The following MINDY4B variants were observed in gnomAD, a reference collection of about 807,000 sequenced individuals.
MINDY4B encodes inactive ubiquitin carboxyl-terminal hydrolase MINDY-4B.
In MINDY4B, 25 loss-of-function variants were observed where a neutral mutation model predicts 16.7. The observed-to-expected ratio is 1.49, with a 90% confidence interval of 1.09 to 2.09. The LOEUF (loss-of-function observed/expected upper bound fraction) is 2.09. Among genes scored for constraint, MINDY4B ranks in the 30% most tolerant of loss-of-function variants. The pLI, the probability that MINDY4B is intolerant of heterozygous loss-of-function variation, is 0.00. For synonymous variants in MINDY4B, 132 were observed against 61.9 expected, an observed-to-expected ratio of 2.13 and a Z score of -5.32; for missense variants, 327 against 168.4, an observed-to-expected ratio of 1.94 and a Z score of -5.21.
At chr3:150,881,851 A>AT (rs1711526452) in intron 10 of MINDY4B, among the ~76,000 whole-genome samples, 2 of 152,170 alleles carry the variant, frequency 1.3e-5, no homozygotes, top group African/African-American at 4.8e-5. Flanking sequence ...GTCAGACACT[A>AT]TTTTTTTGAT....
At chr3:150,898,933 G>C (rs1206584819) in intron 3 of MINDY4B, among the ~76,000 whole-genome samples, 1 of 152,152 alleles carries the variant, frequency 6.6e-6, no homozygotes, top group African/African-American at 2.4e-5. Flanking sequence ...ACTTGAGGTA[G>C]ACTAATCCTC....
At position 150,873,327 on chromosome 3, in the gene MINDY4B, A is replaced by G. The variant is rs1478308834; in HGVS notation, c.1100T>C (p.Leu367Pro). 2 of 702,856 alleles carry G rather than the reference A, an allele frequency of 2.8e-6. No homozygotes were observed. The highest frequency in any genetic ancestry group is 4.0e-5 in the Admixed American group (2 of 50,004). 43.5% of individuals were successfully genotyped at this position (702,856 alleles called of 1,614,324 possible). ...MLKTPKLPIW[L>P]CNINGNYSIL... ...GCTGTAATTTCCATTGATGTTGCAC[A>G]GCCAAATAGGTAATTTGGGAGTCTT... is the stretch of plus-strand genomic sequence containing the variant. Residue 367 changes from leucine to proline, a missense_variant, in exon 11 of 12, where the codon CTG (leucine) becomes CCG (proline). Physicochemically the swap from Leu to Pro is moderately conservative, Grantham distance 98. Coordinates refer to ENST00000465419, the MANE Select transcript of MINDY4B (RefSeq NM_001351281.2).
chr3:150,870,592 G>A lies in MINDY4B; in HGVS notation c.*453C>T, dbSNP rs1325660833. ...AACTGTATCCTTGGAAAGGAATGCC[G>A]TCCATACCAGGAAGTCCTTGAGAAG... On this transcript the variant is annotated 3_prime_UTR_variant, in exon 12 of 12. Transcript: ENST00000465419. Among the ~76,000 whole-genome samples, 1 of 152,168 alleles carries A rather than the reference G, an allele frequency of 6.6e-6. No individual in the cohort carries two copies. Among genetic ancestry groups the A allele is most frequent in the Non-Finnish European group, 1.5e-5 (1 of 68,022 alleles).
intron 7 of MINDY4B, among the ~76,000 whole-genome samples, chr3:150,888,915 T>C (rs1711698041): frequency 1.3e-5 from 2 of 151,992 alleles, no homozygotes; most frequent in African/African-American, 2.4e-5. Flanking sequence ...CAGATTTGAG[T>C]TGAGATGGAA....
intron 7 of MINDY4B, among the ~76,000 whole-genome samples, chr3:150,886,735 C>T (rs1711631437): frequency 6.6e-6 from 1 of 152,164 alleles, no homozygotes; most frequent in Admixed American, 6.5e-5. Context: ...ACCCTCCTCC[C>T]TCTGCTTCCC....
chr3:150,904,386 C>G (rs932446579), intron 2 of MINDY4B, among the ~76,000 whole-genome samples: 1 of 152,134 alleles, frequency 6.6e-6, no homozygotes, highest in Admixed American at 6.5e-5. Context: ...ATAAATAAGA[C>G]TTTTGATCAT....
chr3:150,891,901 G>A lies in MINDY4B; in HGVS notation c.522-798C>T, dbSNP rs115253788. Among the ~76,000 whole-genome samples, 718 of 152,222 alleles carry A rather than the reference G, an allele frequency of 4.7e-3. 4 individuals carry two copies. The highest frequency in any genetic ancestry group is 0.016 in the African/African-American group (679 of 41,528). On this transcript the variant is annotated intron_variant, in intron 5 of 11. Coordinates refer to ENST00000465419, the MANE Select transcript of MINDY4B (RefSeq NM_001351281.2). ...TGACTGGGGGGCTCAGGAAGGCTTC[G>A]TGCAGTGTGTCTACAGACGTAGTTA...
intron 7 of MINDY4B, among the ~76,000 whole-genome samples, chr3:150,887,996 T>C (rs921412337): frequency 4.6e-5 from 7 of 151,166 alleles, no homozygotes; most frequent in Non-Finnish European, 8.8e-5. Context: ...TAGTCCCAGC[T>C]ACTCGGAGGC....
chr3:150,897,232 G>T (rs895862281), intron 3 of MINDY4B, among the ~76,000 whole-genome samples: 1 of 152,044 alleles, frequency 6.6e-6, no homozygotes, highest in Non-Finnish European at 1.5e-5. Flanking sequence ...ACAGAGGGGA[G>T]ACTAGACAGA....
chr3:150,882,564 GTATA>G (rs59302082), intron 10 of MINDY4B, among the ~76,000 whole-genome samples: 4 of 148,008 alleles, frequency 2.7e-5, no homozygotes, highest in South Asian at 2.1e-4. Context: ...GTGTATGTGT[GTATA>G]TATATATATA....
chr3:150,873,934 T>G (rs995146098), intron 10 of MINDY4B, among the ~76,000 whole-genome samples: 1 of 152,096 alleles, frequency 6.6e-6, no homozygotes, highest in African/African-American at 2.4e-5. Context: ...CATGATCATT[T>G]GTGAAGATGT....
At chr3:150,877,417 T>C (rs1711498271) in intron 10 of MINDY4B, among the ~76,000 whole-genome samples, 1 of 152,214 alleles carries the variant, frequency 6.6e-6, no homozygotes, top group African/African-American at 2.4e-5. Flanking sequence ...TGCAGGGGTC[T>C]CCAATCCGGT....
At chr3:150,878,988 A>T (rs1332934347) in intron 10 of MINDY4B, among the ~76,000 whole-genome samples, 1 of 152,204 alleles carries the variant, frequency 6.6e-6, no homozygotes, top group African/African-American at 2.4e-5. Flanking sequence ...GTGGTGGCAT[A>T]TTCTTTGATA....
intron 2 of MINDY4B, among the ~76,000 whole-genome samples, chr3:150,904,311 C>T (rs1283938003): frequency 6.6e-6 from 1 of 152,042 alleles, no homozygotes; most frequent in African/African-American, 2.4e-5. Context: ...TTAATACTTC[C>T]AAGACTAAAA....
At chr3:150,902,607 A>T (rs1039682271) in intron 3 of MINDY4B, among the ~76,000 whole-genome samples, 1 of 152,166 alleles carries the variant, frequency 6.6e-6, no homozygotes, top group African/African-American at 2.4e-5. Context: ...ATTTGACCCA[A>T]TGAGATGCCT....
At position 150,905,394 on chromosome 3, in the gene MINDY4B, C is replaced by T. The variant is rs1450960523; in HGVS notation, c.46G>A (p.Asp16Asn). The change falls in exon 1 of 12, where the codon GAT (aspartate) becomes AAT (asparagine). Residue 16 changes from aspartate to asparagine, a missense_variant. Asp to Asn is a conservative substitution (Grantham distance 23). Coordinates refer to ENST00000465419, the MANE Select transcript of MINDY4B (RefSeq NM_001351281.2). ...ATTTTCCTTGAGATCTCCTCTAAAT[C>T]CAGCTGTTCGGAGCTTTGTTCCTGG... ...LGQEQSSEQL[D>N]LEEISRKISF... 1 of 398,380 alleles carries T rather than the reference C, an allele frequency of 2.5e-6. No individual in the cohort carries two copies. Among genetic ancestry groups the T allele is most frequent in the Admixed American group, 4.4e-5 (1 of 22,700 alleles). The allele number at this position is 398,380 out of a possible 1,614,324, so 24.7% of individuals were successfully genotyped here. A position where few individuals can be genotyped will look rare whatever the true frequency, so the allele number is the denominator to read the frequency against.
chr3:150,896,501 A>T (rs2107908601), intron 3 of MINDY4B, among the ~76,000 whole-genome samples: 1 of 152,190 alleles, frequency 6.6e-6, no homozygotes, highest in Non-Finnish European at 1.5e-5. Flanking sequence ...GTTCTTTCTC[A>T]TTTGGGTAGG....
chr3:150,876,432 T>C (rs1559964035), intron 10 of MINDY4B, among the ~76,000 whole-genome samples: 1 of 152,230 alleles, frequency 6.6e-6, no homozygotes, highest in East Asian at 1.9e-4. Flanking sequence ...TTTGAAACGT[T>C]GTGCTTTCTT....
chr3:150,871,755 G>C (rs969404849), intron 11 of MINDY4B, among the ~76,000 whole-genome samples: 1 of 152,178 alleles, frequency 6.6e-6, no homozygotes, highest in African/African-American at 2.4e-5. Context: ...TGAAGCACAA[G>C]AATCACTTGA....
Sources: allele counts gnomAD v4.1 joint callset (sites outside exome capture counted in the v4.1 genomes callset), GRCh38; gene constraint gnomAD v4.1.1; transcripts MANE v1.5; gene names NCBI Gene and HGNC (gene_info 2026-07-23, HGNC 2026-07-21).